The following PRKCH variants were observed in gnomAD, a reference collection of about 807,000 sequenced individuals.
PRKCH encodes protein kinase C eta type.
In PRKCH, 28 loss-of-function variants were observed where a neutral mutation model predicts 82.5. That is an observed-to-expected ratio of 0.34 (90% confidence interval 0.25 to 0.47). The LOEUF (loss-of-function observed/expected upper bound fraction) is 0.47. Ranked by LOEUF, PRKCH falls within the 20% of genes least tolerant of loss-of-function variation. The pLI is 1.00. For synonymous variants in PRKCH, 322 were observed against 327.4 expected, an observed-to-expected ratio of 0.98 and a Z score of 0.18; for missense variants, 705 against 881.8, an observed-to-expected ratio of 0.80 and a Z score of 2.54.
At chr14:61,337,067 CAAAA>C (rs3028726) in intron 1 of PRKCH, among the ~76,000 whole-genome samples, 5 of 55,092 alleles carry the variant, frequency 9.1e-5, no homozygotes, top group Admixed American at 3.1e-4. Context: ...CAGTCTGTCT[CAAAA>C]AAAAAAAAAA....
Position 61,217,900 on chromosome 14 carries a change from T to C in PRKCH, c.-19+30232T>C, listed in dbSNP as rs140759965. On this transcript the variant is annotated intron_variant, in intron 1 of 3. Coordinates refer to the PRKCH transcript ENST00000555185. ...AACTTCTTTCAGGCTAGAACAGATATGCTAAATCTCATGCAAAGACAAATA... is the reference window on the plus strand; with the variant it reads ...AACTTCTTTCAGGCTAGAACAGATACGCTAAATCTCATGCAAAGACAAATA... Among the ~76,000 whole-genome samples, 389 of 152,304 alleles carry C rather than the reference T, an allele frequency of 2.6e-3. 3 individuals are homozygous for C. The highest frequency in any genetic ancestry group is 8.7e-3 in the African/African-American group (363 of 41,564).
At chr14:61,242,122 A>G (rs1462979753) in intron 1 of PRKCH, among the ~76,000 whole-genome samples, 1 of 152,234 alleles carries the variant, frequency 6.6e-6, no homozygotes. Context: ...TAAATATTTA[A>G]GAAATTGTTA....
chr14:61,327,069 G>T (rs1232213266), intron 1 of PRKCH: 2 of 456,050 alleles, frequency 4.4e-6, no homozygotes, highest in Admixed American at 2.3e-5. Context: ...GCCCCCTCAG[G>T]AAGGAAGGAC....
At chr14:61,253,478 G>C (rs1224240906) in intron 1 of PRKCH, among the ~76,000 whole-genome samples, 1 of 152,074 alleles carries the variant, frequency 6.6e-6, no homozygotes, top group Non-Finnish European at 1.5e-5. Context: ...TTTTCCCCTT[G>C]GCTGCATATT....
At chr14:61,188,822 C>T (rs1324146992) in intron 1 of PRKCH, among the ~76,000 whole-genome samples, 1 of 151,856 alleles carries the variant, frequency 6.6e-6, no homozygotes, top group Middle Eastern at 3.4e-3. Context: ...CGGGTTCAAG[C>T]GATTCTCCTG....
intron 12 of PRKCH, among the ~76,000 whole-genome samples, chr14:61,539,952 G>A (rs2043161126): frequency 6.6e-6 from 1 of 152,200 alleles, no homozygotes; most frequent in African/African-American, 2.4e-5. Flanking sequence ...TTCTTATGAT[G>A]TATTTAGATA....
chr14:61,503,001 CTTTT>C (rs34050696), intron 10 of PRKCH, among the ~76,000 whole-genome samples: 1,371 of 80,338 alleles, frequency 0.017, 24 homozygotes, highest in African/African-American at 0.05. Flanking sequence ...GGGAAGCAGG[CTTTT>C]TTTTTTTTTT....
rs774960259 is a variant in PRKCH, at chr14:61,529,066, A to G, written c.1434-9A>G. On this transcript the variant is annotated splice_polypyrimidine_tract_variant and intron_variant, in intron 10 of 13. Coordinates refer to ENST00000332981, the MANE Select transcript of PRKCH (RefSeq NM_006255.5). ...TGCCCTATCTCGTGCTGCTCTTTGT[A>G]TCTTTCAGAGATCTGAAACTGGACA... The G allele has an allele frequency of 2.5e-6, 4 of 1,604,970 alleles. No homozygotes were observed. Among genetic ancestry groups the G allele is most frequent in the East Asian group, 2.2e-5 (1 of 44,524 alleles).
At chr14:61,292,311 C>CAAA (rs758667290) in intron 1 of PRKCH, among the ~76,000 whole-genome samples, 1 of 91,890 alleles carries the variant, frequency 1.1e-5, no homozygotes, top group Non-Finnish European at 2.4e-5. Context: ...CCTGTCTCTA[C>CAAA]AAAAAAAAAA....
chr14:61,482,366 G>T (rs1486177488), intron 9 of PRKCH, among the ~76,000 whole-genome samples: 6 of 152,198 alleles, frequency 3.9e-5, no homozygotes, highest in African/African-American at 1.4e-4. Flanking sequence ...TAATCTTGGA[G>T]AAATTGCTGC....
chr14:61,234,372 A>G (rs1477062639), intron 1 of PRKCH, among the ~76,000 whole-genome samples: 1 of 152,182 alleles, frequency 6.6e-6, no homozygotes, highest in Non-Finnish European at 1.5e-5. Context: ...TATAGTCATT[A>G]TACTAGTGTG....
At chr14:61,231,818 T>C (rs2044747197) in intron 1 of PRKCH, among the ~76,000 whole-genome samples, 1 of 152,146 alleles carries the variant, frequency 6.6e-6, no homozygotes, top group African/African-American at 2.4e-5. Flanking sequence ...AATGGGTTCA[T>C]GGGTGTGATG....
chr14:61,276,166 G>A (rs1343593775), intron 1 of PRKCH, among the ~76,000 whole-genome samples: 1 of 151,916 alleles, frequency 6.6e-6, no homozygotes, highest in African/African-American at 2.4e-5. Context: ...CCTTCTTAAC[G>A]ACTCTTTTGC....
At chr14:61,215,009 G>A (rs2044607034) in intron 1 of PRKCH, among the ~76,000 whole-genome samples, 1 of 152,124 alleles carries the variant, frequency 6.6e-6, no homozygotes, top group Admixed American at 6.5e-5. Context: ...TAATCTCTGT[G>A]CCAATTAAAG....
At chr14:61,275,964 A>G (rs906219199) in intron 1 of PRKCH, among the ~76,000 whole-genome samples, 5 of 152,202 alleles carry the variant, frequency 3.3e-5, no homozygotes, top group Admixed American at 3.3e-4. Context: ...AGCAGTGGGG[A>G]CGCATTTTTT....
chr14:61,535,186 C>T (rs2043090703), intron 12 of PRKCH, among the ~76,000 whole-genome samples: 1 of 151,996 alleles, frequency 6.6e-6, no homozygotes, highest in Admixed American at 6.6e-5. Context: ...GCATAGCAGG[C>T]ATGGGTTCTG....
At chr14:61,366,803 A>G (rs113045212) in intron 1 of PRKCH, among the ~76,000 whole-genome samples, 1,804 of 152,138 alleles carry the variant, frequency 0.012, 49 homozygotes, top group African/African-American at 0.041. Context: ...CAGAGGCTTC[A>G]AGGCATTCAG....
intron 2 of PRKCH, among the ~76,000 whole-genome samples, chr14:61,403,858 A>G (rs1881798479): frequency 6.6e-6 from 1 of 152,138 alleles, no homozygotes; most frequent in African/African-American, 2.4e-5. Flanking sequence ...CCTTGAAATT[A>G]TAGTGATGTG....
At position 61,530,395 on chromosome 14, in the gene PRKCH, C is replaced by A; in HGVS notation, c.1573-12C>A. On this transcript the variant is annotated splice_polypyrimidine_tract_variant and intron_variant, in intron 11 of 13. Coordinates refer to ENST00000332981, the MANE Select transcript of PRKCH (RefSeq NM_006255.5). ...GTATGAACCACCTTCTCACGCTGCC[C>A]CCTTTGCACAGATCCTCCAGGAAAT... is the stretch of plus-strand genomic sequence containing the variant. The A allele has an allele frequency of 6.5e-7, 1 of 1,530,492 alleles. No individual in the cohort carries two copies. Among genetic ancestry groups the A allele is most frequent in the Non-Finnish European group, 8.8e-7 (1 of 1,132,902 alleles). The allele number at this position is 1,530,492 out of a possible 1,614,324, so 94.8% of individuals were successfully genotyped here.
Sources: allele counts gnomAD v4.1 joint callset (sites outside exome capture counted in the v4.1 genomes callset), GRCh38; gene constraint gnomAD v4.1.1; transcripts MANE v1.5; gene names NCBI Gene and HGNC (gene_info 2026-07-23, HGNC 2026-07-21).